Variants in CYP17A1 observed in about 807,000 individuals in gnomAD.
CYP17A1 encodes steroid 17-alpha-hydroxylase/17,20 lyase.
Under a neutral mutation model 38.5 loss-of-function variants are expected in CYP17A1, and 27 were observed. The ratio of observed to expected loss-of-function variants is 0.70; its 90% CI spans 0.52 to 0.97. The LOEUF (loss-of-function observed/expected upper bound fraction) is 0.97. CYP17A1 is among the 50% of genes least tolerant of loss of function. The pLI, the probability that CYP17A1 is intolerant of heterozygous loss-of-function variation, is 0.00. For missense variants in CYP17A1, 549 were observed against 645.9 expected (o/e 0.85, Z 1.63); for synonymous variants, 263 against 253.3 (o/e 1.04, Z -0.36).
Position 102,833,210 on chromosome 10 carries a change from TG to T in CYP17A1, c.754-3del. 1 of 1,614,052 alleles carries T rather than the reference TG, an allele frequency of 6.2e-7. No homozygotes were observed. The highest frequency in any genetic ancestry group is 8.5e-7 in the Non-Finnish European group (1 of 1,179,994). On this transcript the variant is annotated splice_polypyrimidine_tract_variant and splice_region_variant and intron_variant, in intron 4 of 7. Transcript: ENST00000369887. ...GATAGAGTCACTCCGGAATTTCTCC[TG>T]GGTTGGGTGAGGTTGGGAGACATTA...
In CYP17A1 at chr10:102,837,370, G is replaced by A; in HGVS notation, c.-9C>T. 2 of 1,587,314 alleles carry A rather than the reference G, an allele frequency of 1.3e-6. No homozygotes were observed. The highest frequency in any genetic ancestry group is 1.7e-6 in the Non-Finnish European group (2 of 1,155,736). ...GCCACGAGCTCCCACATGGTGGCTG[G>A]GTGCCGGCAGGCAAGATAGACAGCA... On this transcript the variant is annotated 5_prime_UTR_variant, in exon 1 of 8. Coordinates refer to ENST00000369887, the MANE Select transcript of CYP17A1 (RefSeq NM_000102.4).
intron 4 of CYP17A1, 185 bp downstream of exon 4, chr10:102,833,851 C>A (rs866886591): frequency 3.9e-5 from 22 of 558,244 alleles, no homozygotes; most frequent in African/African-American, 2.8e-4. Flanking sequence ...CTCGGCCTCC[C>A]AAAGTGTTGG....
rs1360362529 is a variant in CYP17A1 at position 102,835,338 on chromosome 10, CAG to C, written c.350_351del (p.Ser117TrpfsTer38). 3 of 1,612,056 alleles carry C rather than the reference CAG, an allele frequency of 1.9e-6. No homozygotes were observed. Among genetic ancestry groups the C allele is most frequent in the Non-Finnish European group, 2.5e-6 (3 of 1,178,178 alleles). ...NNRKGIAFADSGAHWQLHRRL... is the reference protein window; with the variant it reads ...NNRKGIAFADXGAHWQLHRRL... ...CTTCGATGCAGCTGCCAGTGTGCGC[CAG>C]AGTCAGCGAAGGCGATACCCTTACG... On this transcript the variant is annotated frameshift_variant, in exon 2 of 8. Transcript: ENST00000369887. LOFTEE classifies it high-confidence loss of function.
Position 102,830,910 on chromosome 10 carries a change from C to A in CYP17A1, c.1319G>T (p.Arg440Leu). Residue 440 changes from arginine (R) to leucine (L), a missense_variant, in exon 8 of 8, where the codon CGC (arginine) becomes CTC (leucine). By Grantham distance (102) the Arg-to-Leu change is moderately radical. Transcript: ENST00000369887. The surrounding 1 kb of genome is among the most constrained non-coding windows in gnomAD (Gnocchi z 4.1). ...VSYLPFGAGP[R>L]SCIGEILARQ... ...GGCCAGGATCTCACCTATACAGGAG[C>A]GAGGTCCTGCTCCGAAGGGCAAATA... 1 of 1,573,224 alleles carries A rather than the reference C, an allele frequency of 6.4e-7. No individual in the cohort carries two copies. Among genetic ancestry groups the A allele is most frequent in the Non-Finnish European group, 8.7e-7 (1 of 1,154,394 alleles).
In CYP17A1 at chr10:102,834,196, AGGCG is replaced by A. The variant is rs1260809002; in HGVS notation, c.667-78_667-75del. 25 of 786,276 alleles carry A rather than the reference AGGCG, an allele frequency of 3.2e-5. No homozygotes were observed. In the East Asian group the frequency reaches 5.6e-4, roughly 18 times the overall value. The allele number at this position is 786,276 out of a possible 1,614,324, so 48.7% of individuals were successfully genotyped here. On this transcript the variant is annotated intron_variant, in intron 3 of 7. Transcript: ENST00000369887. ...CTCCAGCTGCCAGAGTCTCTCCTGG[AGGCG>A]GATCTTAGCTTTCTGTCTCTGGAAG...
chr10:102,831,563 C>G lies in CYP17A1; in HGVS notation c.1188G>C (p.Leu396=). 6.2e-7 allele frequency: 1 copy of G among 1,614,028 alleles called. No individual in the cohort carries two copies. The highest frequency in any genetic ancestry group is 8.5e-7 in the Non-Finnish European group (1 of 1,180,034). Reference sequence around the variant, plus strand: ...CCTTCTCATTGTGATGCAGCGCCCACAGATTGATGATAACTTCTGTGCCCT... The same window carrying G: ...CCTTCTCATTGTGATGCAGCGCCCAGAGATTGATGATAACTTCTGTGCCCT... ...VDKGTEVIIN[L]WALHHNEKEW... The change falls in exon 7 of 8, where the codon CTG becomes CTC. Residue 396 remains leucine (L), a synonymous_variant. Transcript: ENST00000369887.
Position 102,834,921 on chromosome 10 carries a change from T to C in CYP17A1, c.530A>G (p.Asn177Ser). The C allele has an allele frequency of 3.1e-6, 5 of 1,613,796 alleles. No individual in the cohort carries two copies. Among genetic ancestry groups the C allele is most frequent in the Non-Finnish European group, 4.2e-6 (5 of 1,179,812 alleles). Residue 177 changes from asparagine (N) to serine (S), a missense_variant, in exon 3 of 8, where the codon AAT becomes AGT. Coordinates refer to ENST00000369887, the MANE Select transcript of CYP17A1 (RefSeq NM_000102.4). ...ISFPVFVAVT[N>S]VISLICFNTS... ...ATTGAAGCAGATCAAGGAGATGACA[T>C]TGGTTACCGCCACGAAGACAGGAAA...
Position 102,834,065 on chromosome 10 carries a change from G to C in CYP17A1, c.724C>G (p.Leu242Val). ...LKSHVKIRNDLLNKILENYKE... is the reference protein window; with the variant it reads ...LKSHVKIRNDVLNKILENYKE... ...TAATTTTCAAGTATTTTATTCAGCA[G>C]ATCATTTCGTATTTTAACATGGCTC... The change falls in exon 4 of 8, where the codon CTG becomes GTG. Residue 242 changes from leucine (L) to valine (V), a missense_variant. Physicochemically the swap from Leu to Val is conservative, Grantham distance 32. This residue lies in a region of CYP17A1 where 289 missense variants were observed against 320.9 expected (regional missense o/e 0.90). Coordinates refer to ENST00000369887, the MANE Select transcript of CYP17A1 (RefSeq NM_000102.4). The C allele has an allele frequency of 7.8e-7, 1 of 1,283,326 alleles. No homozygotes were observed. Among genetic ancestry groups the C allele is most frequent in the Non-Finnish European group, 1.1e-6 (1 of 877,584 alleles). 79.5% of individuals were successfully genotyped at this position (1,283,326 alleles called of 1,614,324 possible). A position where few individuals can be genotyped will look rare whatever the true frequency, so the allele number is the denominator to read the frequency against.
chr10:102,834,546 G>A, intron 3 of CYP17A1: 1 of 614,516 alleles, frequency 1.6e-6, no homozygotes, highest in South Asian at 1.9e-5. Flanking sequence ...ACTGGCACAT[G>A]GTAATTGGAA....
chr10:102,832,771 G>A, intron 5 of CYP17A1, 91 bp from the exon 6 acceptor site: 7 of 1,250,052 alleles, frequency 5.6e-6, no homozygotes, highest in Non-Finnish European at 8.2e-6. Context: ...ACATCGAGAA[G>A]AGCCTGTCCA....
intron 1 of CYP17A1, among the ~76,000 whole-genome samples, chr10:102,836,162 C>T (rs970340929): frequency 6.6e-6 from 1 of 152,108 alleles, no homozygotes; most frequent in Non-Finnish European, 1.5e-5. Context: ...TTGGCTTGAT[C>T]AAAGCTGAGA....
chr10:102,832,265 G>A (rs1844100635), intron 6 of CYP17A1, among the ~76,000 whole-genome samples: 1 of 152,014 alleles, frequency 6.6e-6, no homozygotes, highest in African/African-American at 2.4e-5. Context: ...GTAGAGACGG[G>A]GTTTCACCAT....
At chr10:102,833,312 T>C in intron 4 of CYP17A1, 104 bp from the exon 5 acceptor site, 1 of 1,593,452 alleles carries the variant, frequency 6.3e-7, no homozygotes, top group Non-Finnish European at 8.5e-7. Flanking sequence ...CTCCTTCCAC[T>C]TGGAAGTAGA....
chr10:102,836,858 A>C, intron 1 of CYP17A1: 1 of 603,366 alleles, frequency 1.7e-6, no homozygotes. Context: ...GCAGCCTGGT[A>C]GAGGAGACAT....
chr10:102,832,919 AAT>A (rs1844110740), intron 5 of CYP17A1, 72 bp downstream of exon 5: 2 of 1,584,536 alleles, frequency 1.3e-6, no homozygotes, highest in South Asian at 2.3e-5. Context: ...AGCCTGAGAG[AAT>A]TGGCTCTCCC....
intron 6 of CYP17A1, 45 bp from the exon 7 acceptor site, chr10:102,831,656 T>A: frequency 6.2e-7 from 1 of 1,608,516 alleles, no homozygotes; most frequent in Non-Finnish European, 8.5e-7. Context: ...GACTTCGTAC[T>A]CCCTTCCTTG....
At chr10:102,836,921 A>C (rs1042650928) in intron 1 of CYP17A1, 144 bp downstream of exon 1, 1 of 731,866 alleles carries the variant, frequency 1.4e-6, no homozygotes, top group Non-Finnish European at 2.5e-6. Flanking sequence ...CTGAAGGTTC[A>C]CTCCCTTCAC....
intron 1 of CYP17A1, among the ~76,000 whole-genome samples, chr10:102,836,537 A>G (rs1346334481): frequency 3.3e-5 from 5 of 151,328 alleles, no homozygotes; most frequent in Admixed American, 6.6e-5. Flanking sequence ...CTGAAATGTC[A>G]TTGTAGAAAA....
rs200231398 is a variant in CYP17A1, at chr10:102,834,881, A to G, written c.570T>C (p.Asn190=). 5 of 1,614,084 alleles carry G rather than the reference A, an allele frequency of 3.1e-6. No individual in the cohort carries two copies. The African/African-American group carries it at 4.0e-5, about 13-fold the overall frequency. The change falls in exon 3 of 8, where the codon AAT becomes AAC. Residue 190 remains asparagine, a synonymous_variant. Coordinates refer to ENST00000369887, the MANE Select transcript of CYP17A1 (RefSeq NM_000102.4). ...GTATGACATTCAACTCAGGGTCCCC[A>G]TTCTTGTAGGAGGTATTGAAGCAGA... ...SLICFNTSYK[N]GDPELNVIQN...
Sources: gnomAD v4.1 joint callset for allele counts (sites outside exome capture counted in the v4.1 genomes callset) on GRCh38, gnomAD v4.1.1 for gene constraint, gnomAD v4.1.1 regional missense constraint, Gnocchi (gnomAD v3.1) non-coding constraint, MANE v1.5 for transcripts, NCBI Gene and HGNC (gene_info 2026-07-23, HGNC 2026-07-21) for gene names.